The following PALLD variants were observed in gnomAD, a reference collection of about 807,000 sequenced individuals.
PALLD encodes the protein palladin.
In PALLD, 61 loss-of-function variants were observed where a neutral mutation model predicts 123.5. The observed-to-expected ratio is 0.49, with a 90% CI of 0.40 to 0.61. The LOEUF is 0.61. Among genes scored for constraint, PALLD ranks in the 20% least tolerant of loss-of-function variants. The pLI, the probability that PALLD is intolerant of heterozygous loss-of-function variation, is 0.00. For missense variants in PALLD, 1,273 were observed against 1,377.0 expected, an observed-to-expected ratio of 0.92 and a Z score of 1.20; for synonymous variants, 465 against 496.4, an observed-to-expected ratio of 0.94 and a Z score of 0.84.
intron 10 of PALLD, among the ~76,000 whole-genome samples, chr4:168,761,641 GTTTGTTTTTTT>G (rs1374302337): frequency 6.4e-3 from 74 of 11,628 alleles, no homozygotes; most frequent in African/African-American, 0.015. Context: ...TGTTGTTGTT[GTTTGTTTTTTT>G]TTTTTTTTTT....
At chr4:168,718,118 G>T (rs916410541) in intron 10 of PALLD, among the ~76,000 whole-genome samples, 1 of 152,180 alleles carries the variant, frequency 6.6e-6, no homozygotes, top group East Asian at 1.9e-4. Context: ...TTGGACTGCA[G>T]CTTCAACTCC....
intron 2 of PALLD, among the ~76,000 whole-genome samples, chr4:168,639,071 C>T (rs13127007): frequency 0.029 from 4,420 of 152,240 alleles, 109 homozygotes; most frequent in Non-Finnish European, 0.048. Context: ...ATGACATTAG[C>T]CCATCAAGCC....
At chr4:168,659,287 A>G (rs980076214) in intron 2 of PALLD, among the ~76,000 whole-genome samples, 20 of 152,326 alleles carry the variant, frequency 1.3e-4, no homozygotes, top group Admixed American at 1.3e-3. Flanking sequence ...AAATATAACC[A>G]TTGCTGAAGC....
At chr4:168,766,689 A>G (rs1452566850) in intron 10 of PALLD, among the ~76,000 whole-genome samples, 1 of 152,220 alleles carries the variant, frequency 6.6e-6, no homozygotes, top group Non-Finnish European at 1.5e-5. Flanking sequence ...TTGTTCTTCC[A>G]CTGACCAGCT....
intron 3 of PALLD, among the ~76,000 whole-genome samples, chr4:168,675,765 T>G (rs1780770206): frequency 2.0e-5 from 3 of 152,098 alleles, no homozygotes; most frequent in Non-Finnish European, 2.9e-5. Flanking sequence ...GATATAAAAA[T>G]CATGTCTAGG....
intron 10 of PALLD, among the ~76,000 whole-genome samples, chr4:168,729,655 T>A (rs1786958541): frequency 6.6e-6 from 1 of 152,184 alleles, no homozygotes; most frequent in East Asian, 1.9e-4. Context: ...ACTTTTACCC[T>A]CTTCTTCTCC....
chr4:168,566,066 A>T (rs1427797491), intron 2 of PALLD, among the ~76,000 whole-genome samples: 1 of 152,190 alleles, frequency 6.6e-6, no homozygotes, highest in Admixed American at 6.6e-5. Context: ...CAGAGATAAC[A>T]TAGGATAAAT....
intron 2 of PALLD, among the ~76,000 whole-genome samples, chr4:168,640,219 T>A (rs976266293): frequency 6.6e-6 from 1 of 152,234 alleles, no homozygotes; most frequent in African/African-American, 2.4e-5. Context: ...GTGTTTGTGA[T>A]AATGATTGTT....
chr4:168,585,374 C>A (rs1372110894), intron 2 of PALLD, among the ~76,000 whole-genome samples: 7 of 151,532 alleles, frequency 4.6e-5, no homozygotes, highest in Admixed American at 4.6e-4. Flanking sequence ...GAGGTGTAAC[C>A]CATTTCATAG....
intron 3 of PALLD, among the ~76,000 whole-genome samples, chr4:168,671,026 G>GAA (rs10686554): frequency 0.13 from 19,754 of 148,542 alleles, 1,586 homozygotes; most frequent in African/African-American, 0.21. Flanking sequence ...TCAAAAAAAA[G>GAA]AAAAAAAAAA....
rs148229670 is a variant in PALLD, at chr4:168,576,374, A to G, written c.908+63962A>G. Reference sequence around the variant, plus strand: ...AACATTAGGTATATCTCCAAATGCTATCCGTCCCCCCTCCCCCAACCCCAC... The same window carrying G: ...AACATTAGGTATATCTCCAAATGCTGTCCGTCCCCCCTCCCCCAACCCCAC... On this transcript the variant is annotated intron_variant, in intron 2 of 21. Coordinates refer to ENST00000505667, the MANE Select transcript of PALLD (RefSeq NM_001166108.2). Among the ~76,000 whole-genome samples the G allele has an allele frequency of 5.0e-3, 759 of 151,670 alleles. 9 individuals carry two copies. The highest frequency in any genetic ancestry group is 0.018 in the African/African-American group (725 of 41,374).
intron 2 of PALLD, among the ~76,000 whole-genome samples, chr4:168,558,588 T>A (rs908002142): frequency 6.6e-6 from 1 of 152,206 alleles, no homozygotes. Context: ...ATATCCTTGA[T>A]GCGCTGAAGG....
chr4:168,557,134 C>T (rs1171274050), intron 2 of PALLD, among the ~76,000 whole-genome samples: 2 of 152,140 alleles, frequency 1.3e-5, no homozygotes, highest in Non-Finnish European at 2.9e-5. Context: ...ACCTCCACCT[C>T]CCGGCTTCAA....
chr4:168,855,563 T>A (rs1748488034), intron 10 of PALLD, among the ~76,000 whole-genome samples: 1 of 152,236 alleles, frequency 6.6e-6, no homozygotes, highest in African/African-American at 2.4e-5. Flanking sequence ...TTTTGGTAAG[T>A]CAGTCTGTCT....
chr4:168,581,319 A>C (rs1770253565), intron 2 of PALLD, among the ~76,000 whole-genome samples: 1 of 151,538 alleles, frequency 6.6e-6, no homozygotes, highest in Non-Finnish European at 1.5e-5. Flanking sequence ...TTTTTTGAGC[A>C]ACCTTCATAC....
At chr4:168,879,050 AT>A (rs879867836) in intron 10 of PALLD, among the ~76,000 whole-genome samples, 4 of 152,204 alleles carry the variant, frequency 2.6e-5, no homozygotes, top group Non-Finnish European at 5.9e-5. Flanking sequence ...AAATGTCTTT[AT>A]GTTTTGATGT....
chr4:168,685,713 A>G (rs966394887), intron 6 of PALLD, among the ~76,000 whole-genome samples, 154 bp downstream of exon 6: 1 of 151,442 alleles, frequency 6.6e-6, no homozygotes, highest in Non-Finnish European at 1.5e-5. Context: ...TATTTGTTGA[A>G]CGACTGCCGT....
At chr4:168,708,360 G>A (rs1784414375) in intron 8 of PALLD, among the ~76,000 whole-genome samples, 1 of 152,128 alleles carries the variant, frequency 6.6e-6, no homozygotes, top group Non-Finnish European at 1.5e-5. Context: ...CTGTGAGGTA[G>A]CTTCTATTAT....
intron 16 of PALLD, among the ~76,000 whole-genome samples, chr4:168,914,842 T>G (rs1759775084): frequency 6.6e-6 from 1 of 152,206 alleles, no homozygotes; most frequent in Non-Finnish European, 1.5e-5. Context: ...ACAAGTGGTG[T>G]GTGACTGCAT....
Sources: allele counts gnomAD v4.1 joint callset (sites outside exome capture counted in the v4.1 genomes callset), GRCh38; gene constraint gnomAD v4.1.1; transcripts MANE v1.5; gene names NCBI Gene and HGNC (gene_info 2026-07-23, HGNC 2026-07-21).